GALNT13: variants seen among roughly 807,000 people sequenced by gnomAD.
GALNT13 encodes the protein UDP-GalNAc:polypeptide N-acetylgalactosaminyltransferase 13.
GALNT13 carries 28 observed loss-of-function variants against 64.2 expected under a neutral mutation model. That is an observed-to-expected ratio of 0.44 (90% CI 0.32 to 0.60). The LOEUF is 0.60. Ranked by LOEUF, GALNT13 falls within the 20% of genes least tolerant of loss-of-function variation. The pLI is 0.05. For synonymous variants in GALNT13, 214 were observed against 224.6 expected, an observed-to-expected ratio of 0.95 and a Z score of 0.42; for missense variants, 577 against 669.8, an observed-to-expected ratio of 0.86 and a Z score of 1.53.
the GALNT13 span, among the ~76,000 whole-genome samples, chr2:153,263,378 A>G: frequency 6.6e-6 from 1 of 152,206 alleles, no homozygotes; most frequent in African/African-American, 2.4e-5. Context: ...GCCCAAAGTA[A>G]TTTATAGATT....
At chr2:154,289,304 C>T (rs1237228297) in intron 8 of GALNT13, among the ~76,000 whole-genome samples, 2 of 152,172 alleles carry the variant, frequency 1.3e-5, no homozygotes, top group Non-Finnish European at 2.9e-5. Flanking sequence ...CCTAAGTCTC[C>T]AGGCTTGTGA....
intron 3 of GALNT13, among the ~76,000 whole-genome samples, chr2:154,015,170 C>A (rs1047152109): frequency 1.3e-5 from 2 of 152,118 alleles, no homozygotes; most frequent in Admixed American, 1.3e-4. Context: ...TTTTCTAATA[C>A]CAGAGTTTGA....
chr2:154,219,992 C>A (rs1428035630), intron 4 of GALNT13, among the ~76,000 whole-genome samples: 1 of 152,042 alleles, frequency 6.6e-6, no homozygotes, highest in African/African-American at 2.4e-5. Context: ...ACTTCCAGGG[C>A]AGATCCAGGT....
At chr2:153,659,141 G>A in the GALNT13 span, among the ~76,000 whole-genome samples, 1 of 152,070 alleles carries the variant, frequency 6.6e-6, no homozygotes, top group Non-Finnish European at 1.5e-5. Context: ...CAGAAATGCA[G>A]TACTGATGGG....
At chr2:153,677,981 A>T in the GALNT13 span, among the ~76,000 whole-genome samples, 1 of 151,940 alleles carries the variant, frequency 6.6e-6, no homozygotes, top group African/African-American at 2.4e-5. Flanking sequence ...GCAAAGATTT[A>T]ATGACAGGCT....
the GALNT13 span, among the ~76,000 whole-genome samples, chr2:153,070,563 G>A: frequency 6.6e-6 from 1 of 152,160 alleles, no homozygotes; most frequent in South Asian, 2.1e-4. Flanking sequence ...TTTGGAGGAG[G>A]AGAGAAGGTA....
the GALNT13 span, among the ~76,000 whole-genome samples, chr2:153,856,518 A>T: frequency 6.6e-6 from 1 of 152,162 alleles, no homozygotes; most frequent in Non-Finnish European, 1.5e-5. Flanking sequence ...TTCAATAAGC[A>T]TGTGAAAATA....
At chr2:153,758,824 T>G in the GALNT13 span, among the ~76,000 whole-genome samples, 15 of 152,166 alleles carry the variant, frequency 9.9e-5, 1 homozygote, top group Admixed American at 9.8e-4. Context: ...ACTCCTGTGC[T>G]CAAGTGATCC....
chr2:154,328,588 C>T (rs143551266), intron 9 of GALNT13, among the ~76,000 whole-genome samples: 1 of 152,214 alleles, frequency 6.6e-6, no homozygotes, highest in African/African-American at 2.4e-5. Context: ...ACATCAGCAT[C>T]ACCTGGATCT....
chr2:154,158,299 C>A (rs1387313354), intron 4 of GALNT13, among the ~76,000 whole-genome samples: 1 of 152,102 alleles, frequency 6.6e-6, no homozygotes, highest in Non-Finnish European at 1.5e-5. Flanking sequence ...TTGCTCAGGC[C>A]AAACCAGGAA....
intron 4 of GALNT13, among the ~76,000 whole-genome samples, chr2:154,164,683 G>A (rs969823024): frequency 6.6e-6 from 1 of 151,996 alleles, no homozygotes; most frequent in Non-Finnish European, 1.5e-5. Context: ...AAAGTTCTTT[G>A]TAAGGAACAT....
chr2:153,567,235 C>CA, the GALNT13 span, among the ~76,000 whole-genome samples: 8 of 152,324 alleles, frequency 5.3e-5, no homozygotes, highest in Non-Finnish European at 8.8e-5. Flanking sequence ...GCCTTCTTCT[C>CA]ACTGGAGTTG....
chr2:153,482,734 G>A, the GALNT13 span, among the ~76,000 whole-genome samples: 1 of 151,202 alleles, frequency 6.6e-6, no homozygotes, highest in Non-Finnish European at 1.5e-5. Context: ...GCCTCCCAAA[G>A]TGCTAGGATT....
chr2:153,677,501 A>T, the GALNT13 span, among the ~76,000 whole-genome samples: 1 of 152,120 alleles, frequency 6.6e-6, no homozygotes, highest in African/African-American at 2.4e-5. Context: ...TTATAGATTC[A>T]GTGCTATTCC....
At chr2:153,629,879 C>T in the GALNT13 span, among the ~76,000 whole-genome samples, 1 of 147,574 alleles carries the variant, frequency 6.8e-6, no homozygotes, top group Admixed American at 6.7e-5. Flanking sequence ...TTTATGCAGC[C>T]AAAAAACACA....
At chr2:153,128,769 C>T in the GALNT13 span, among the ~76,000 whole-genome samples, 653 of 152,166 alleles carry the variant, frequency 4.3e-3, 8 homozygotes, top group Non-Finnish European at 5.5e-3. Context: ...TACAGTGCCA[C>T]GTGGCTGTGG....
At chr2:154,287,204 G>A in intron 8 of GALNT13, 1 of 1,455,098 alleles carries the variant, frequency 6.9e-7, no homozygotes, top group Admixed American at 1.7e-5. Flanking sequence ...GGCCAGATTT[G>A]TGGTGGAAAA....
chr2:153,667,865 C>G, the GALNT13 span, among the ~76,000 whole-genome samples: 1 of 152,030 alleles, frequency 6.6e-6, no homozygotes, highest in Admixed American at 6.6e-5. Flanking sequence ...CAACTGTATG[C>G]TGTCTTCAAG....
chr2:153,611,361 T>A, the GALNT13 span, among the ~76,000 whole-genome samples: 11 of 152,158 alleles, frequency 7.2e-5, no homozygotes, highest in African/African-American at 2.6e-4. Context: ...CCGTCCGCCT[T>A]TTTTTAATTT....
Sources: allele counts gnomAD v4.1 joint callset (sites outside exome capture counted in the v4.1 genomes callset), GRCh38; gene constraint gnomAD v4.1.1; transcripts MANE v1.5; gene names NCBI Gene and HGNC (gene_info 2026-07-23, HGNC 2026-07-21).